The following COL5A2 variants were observed in gnomAD, a reference collection of about 807,000 sequenced individuals.
COL5A2 encodes the protein collagen alpha-2(V) chain.
In COL5A2, 23 loss-of-function variants were observed where a neutral mutation model predicts 208.2. The ratio of observed to expected loss-of-function variants is 0.11; its 90% CI spans 0.08 to 0.16. The LOEUF is 0.16. Ranked by LOEUF, COL5A2 falls within the 10% of genes least tolerant of loss-of-function variation. The pLI is 1.00. For synonymous variants in COL5A2, 625 were observed against 628.5 expected, an observed-to-expected ratio of 0.99 and a Z score of 0.08; for missense variants, 1,590 against 1,956.4, an observed-to-expected ratio of 0.81 and a Z score of 3.53.
chr2:189,167,658 G>T (rs959479926), intron 1 of COL5A2, among the ~76,000 whole-genome samples: 2 of 125,402 alleles, frequency 1.6e-5, no homozygotes, highest in African/African-American at 6.0e-5. Flanking sequence ...ATTGAAGAAA[G>T]AAGTGATTTT....
the COL5A2 span, among the ~76,000 whole-genome samples, chr2:189,319,453 G>C: frequency 6.6e-6 from 1 of 152,200 alleles, no homozygotes; most frequent in Non-Finnish European, 1.5e-5. Flanking sequence ...TGGAAAATCA[G>C]GTCACTCCCA....
the COL5A2 span, among the ~76,000 whole-genome samples, chr2:189,247,637 T>C: frequency 1.3e-5 from 2 of 151,152 alleles, no homozygotes; most frequent in Non-Finnish European, 2.9e-5. Flanking sequence ...TGGAGTGCAA[T>C]GGCATGATCT....
the COL5A2 span, among the ~76,000 whole-genome samples, chr2:189,272,442 A>T: frequency 1.8e-3 from 279 of 152,230 alleles, 1 homozygote; most frequent in African/African-American, 6.3e-3. Flanking sequence ...GTTCTTACTC[A>T]TAGGTAGGAG....
At chr2:189,085,000 T>A (rs1686624048) in intron 11 of COL5A2, among the ~76,000 whole-genome samples, 160 bp downstream of exon 11, 1 of 152,208 alleles carries the variant, frequency 6.6e-6, no homozygotes, top group Non-Finnish European at 1.5e-5. Context: ...CTTTTAGATA[T>A]TTGTAAAATT....
chr2:189,120,561 G>A (rs1034681076), intron 1 of COL5A2, among the ~76,000 whole-genome samples: 12 of 152,116 alleles, frequency 7.9e-5, no homozygotes, highest in African/African-American at 2.7e-4. Context: ...ATTAGTAAGG[G>A]TGAACAGAAT....
intron 1 of COL5A2, among the ~76,000 whole-genome samples, chr2:189,175,421 T>A (rs72910347): frequency 0.15 from 22,577 of 151,576 alleles, 2,013 homozygotes; most frequent in Non-Finnish European, 0.2. Context: ...TAAAAAAAAA[T>A]ACCTAGAGAT....
chr2:189,057,452 C>T lies in COL5A2; in HGVS notation c.2230-25G>A, dbSNP rs372950304. On this transcript the variant is annotated intron_variant, in intron 33 of 53. Transcript: ENST00000374866. ...CCTAAAATGAACCAACATTAAGTGACCATACCAATAATATTAAGATTAAAC... is the reference window on the plus strand; with the variant it reads ...CCTAAAATGAACCAACATTAAGTGATCATACCAATAATATTAAGATTAAAC... 44 of 1,497,848 alleles carry T rather than the reference C, an allele frequency of 2.9e-5. 1 individual carries two copies. The East Asian group carries it at 3.6e-4, about 12-fold the overall frequency. 92.8% of individuals were successfully genotyped at this position (1,497,848 alleles called of 1,614,324 possible). A position where few individuals can be genotyped will look rare whatever the true frequency, so the allele number is the denominator to read the frequency against.
At chr2:189,108,143 G>A (rs1687186373) in intron 2 of COL5A2, among the ~76,000 whole-genome samples, 2 of 151,658 alleles carry the variant, frequency 1.3e-5, no homozygotes. Context: ...TGCATTGTCA[G>A]AAGCTATAAT....
chr2:189,424,938 G>A, the COL5A2 span, among the ~76,000 whole-genome samples: 42 of 152,102 alleles, frequency 2.8e-4, no homozygotes, highest in Non-Finnish European at 4.7e-4. Context: ...CCCAACAGCC[G>A]TGGTACTAAC....
chr2:189,080,027 T>C lies in COL5A2; in HGVS notation c.911A>G (p.His304Arg), dbSNP rs1576513195. Residue 304 changes from histidine (H) to arginine (R), a missense_variant, in exon 14 of 54, where the codon CAC (histidine) becomes CGC (arginine). Physicochemically the swap from His to Arg is conservative, Grantham distance 29. Coordinates refer to ENST00000374866, the MANE Select transcript of COL5A2 (RefSeq NM_000393.5). ...GLPGLKGHRG[H>R]KGLEGPKGEV... is the part of the protein sequence containing the mutation. Reference sequence around the variant, plus strand: ...ACCTTTAGGGCCTTCAAGACCTTTGTGTCCCTGAGAATAAAAATGTAAATT... The same window carrying C: ...ACCTTTAGGGCCTTCAAGACCTTTGCGTCCCTGAGAATAAAAATGTAAATT... 11 of 1,612,054 alleles carry C rather than the reference T, an allele frequency of 6.8e-6. No homozygotes were observed. Among genetic ancestry groups the C allele is most frequent in the Non-Finnish European group, 9.3e-6 (11 of 1,178,414 alleles).
chr2:189,261,319 A>C, the COL5A2 span, among the ~76,000 whole-genome samples: 10 of 152,238 alleles, frequency 6.6e-5, no homozygotes, highest in Non-Finnish European at 8.8e-5. Context: ...ACATATGTTG[A>C]AAATAACATC....
intron 13 of COL5A2, among the ~76,000 whole-genome samples, 162 bp downstream of exon 13, chr2:189,080,828 G>A (rs1028902506): frequency 6.6e-6 from 1 of 152,098 alleles, no homozygotes; most frequent in African/African-American, 2.4e-5. Flanking sequence ...CAAAGGAAAT[G>A]TATTAAAAAA....
In COL5A2 at chr2:189,179,636, GAGTGAA is replaced by G. The variant is rs1559138979; in HGVS notation, c.-38_-33del. The G allele has an allele frequency of 6.3e-7, 1 of 1,578,782 alleles. No homozygotes were observed. Among genetic ancestry groups the G allele is most frequent in the Non-Finnish European group, 8.6e-7 (1 of 1,159,318 alleles). ...ATATTAGACATGTGGGTTCTCCTGA[GAGTGAA>G]AAGTAGATTCTGAGGTTATTGTAGC... On this transcript the variant is annotated 5_prime_UTR_variant, in exon 1 of 54. Transcript: ENST00000374866.
At chr2:189,318,658 T>C in the COL5A2 span, among the ~76,000 whole-genome samples, 1 of 152,214 alleles carries the variant, frequency 6.6e-6, no homozygotes, top group Non-Finnish European at 1.5e-5. Flanking sequence ...AGAGAACACT[T>C]TGAAGCACTT....
chr2:189,177,758 A>G (rs1200634300), intron 1 of COL5A2, among the ~76,000 whole-genome samples: 1 of 152,288 alleles, frequency 6.6e-6, no homozygotes, highest in East Asian at 1.9e-4. Context: ...ATTAAGAAAA[A>G]TTATCTGCTC....
chr2:189,152,638 G>C (rs1334282380), intron 1 of COL5A2, among the ~76,000 whole-genome samples: 1 of 152,180 alleles, frequency 6.6e-6, no homozygotes, highest in Non-Finnish European at 1.5e-5. Flanking sequence ...GTATGAATTA[G>C]ATTTTTAGGT....
At chr2:189,113,509 T>C (rs1316052707) in intron 1 of COL5A2, among the ~76,000 whole-genome samples, 2 of 150,856 alleles carry the variant, frequency 1.3e-5, no homozygotes, top group East Asian at 3.9e-4. Flanking sequence ...GAGTATTATA[T>C]ATATTATATA....
chr2:189,132,433 A>T (rs942469366), intron 1 of COL5A2, among the ~76,000 whole-genome samples: 1 of 152,250 alleles, frequency 6.6e-6, no homozygotes, highest in African/African-American at 2.4e-5. Context: ...GGCTGCAGAT[A>T]TTAAGTAAAA....
intron 1 of COL5A2, among the ~76,000 whole-genome samples, chr2:189,164,988 A>C (rs1688439466): frequency 6.6e-6 from 1 of 152,240 alleles, no homozygotes. Context: ...TCACAAAAAT[A>C]CTGCCCCAGG....
Sources: gnomAD v4.1 joint callset for allele counts (sites outside exome capture counted in the v4.1 genomes callset) on GRCh38, gnomAD v4.1.1 for gene constraint, MANE v1.5 for transcripts, NCBI Gene and HGNC (gene_info 2026-07-23, HGNC 2026-07-21) for gene names.